The following CAMK1D variants were observed in gnomAD, a reference collection of about 807,000 sequenced individuals.
CAMK1D encodes the protein calcium/calmodulin-dependent protein kinase type 1D.
In CAMK1D, 9 loss-of-function variants were observed where a neutral mutation model predicts 47.7. That is an observed-to-expected ratio of 0.19 (90% CI 0.11 to 0.33). The LOEUF is 0.33. Among genes scored for constraint, CAMK1D ranks in the 10% least tolerant of loss-of-function variants. The pLI is 1.00. For synonymous variants in CAMK1D, 184 were observed against 184.9 expected (o/e 0.99, Z 0.04); for missense variants, 291 against 488.7 (o/e 0.60, Z 3.81).
chr10:12,460,805 A>T (rs1356094369), intron 1 of CAMK1D, among the ~76,000 whole-genome samples: 1 of 151,438 alleles, frequency 6.6e-6, no homozygotes, highest in African/African-American at 2.4e-5. Context: ...GACTTCAAGT[A>T]ATCCTCCCAC....
chr10:12,566,225 T>C (rs1353157183), intron 2 of CAMK1D, among the ~76,000 whole-genome samples: 1 of 152,186 alleles, frequency 6.6e-6, no homozygotes, highest in Non-Finnish European at 1.5e-5. Flanking sequence ...GACATCTTGC[T>C]AGACAGCGGG....
At chr10:12,764,506 G>GT (rs1324591454) in intron 4 of CAMK1D, among the ~76,000 whole-genome samples, 117 of 2,390 alleles carry the variant, frequency 0.049, 1 homozygote, top group Non-Finnish European at 0.38. Context: ...GGAGGGATGT[G>GT]CGATGCTCTG....
chr10:12,349,845 C>T lies in CAMK1D; in HGVS notation c.27C>T (p.Ser9=), dbSNP rs1347112156. 2.0e-6 allele frequency: 3 copies of T among 1,531,376 alleles called. No homozygotes were observed. The highest frequency in any genetic ancestry group is 1.9e-5 in the Admixed American group (1 of 51,738). 94.9% of individuals were successfully genotyped at this position (1,531,376 alleles called of 1,614,324 possible). A position where few individuals can be genotyped will look rare whatever the true frequency, so the allele number is the denominator to read the frequency against. ...TGGCCCGGGAGAACGGCGAGAGCAG[C>T]TCCTCCTGGAAAAAGCAAGCTGAAG... MARENGES[S]SSWKKQAEDI... Residue 9 remains serine (S), a synonymous_variant, in exon 1 of 11, where the codon AGC becomes AGT. Coordinates refer to ENST00000619168, the MANE Select transcript of CAMK1D (RefSeq NM_153498.4).
intron 3 of CAMK1D, among the ~76,000 whole-genome samples, chr10:12,676,234 G>A (rs1163093829): frequency 2.0e-5 from 3 of 152,154 alleles, no homozygotes; most frequent in African/African-American, 7.2e-5. Context: ...GATTACAGGC[G>A]TTAGCCACCA....
rs752046795 is a variant in CAMK1D at position 12,627,941 on chromosome 10, C to T, written c.225-38795C>T. Among the ~76,000 whole-genome samples, 11 of 151,994 alleles carry T rather than the reference C, an allele frequency of 7.2e-5. No homozygotes were observed. The East Asian group carries it at 7.7e-4, about 11-fold the overall frequency. On this transcript the variant is annotated intron_variant, in intron 2 of 10. Coordinates refer to ENST00000619168, the MANE Select transcript of CAMK1D (RefSeq NM_153498.4). ...AAAAATACAAAAAAATTTAGCCAGGCGTGGTGGCGCACACCTGTAATCCCG... is the reference window on the plus strand; with the variant it reads ...AAAAATACAAAAAAATTTAGCCAGGTGTGGTGGCGCACACCTGTAATCCCG...
intron 1 of CAMK1D, among the ~76,000 whole-genome samples, chr10:12,524,589 C>A (rs1282524650): frequency 6.6e-6 from 1 of 151,934 alleles, no homozygotes; most frequent in Non-Finnish European, 1.5e-5. Context: ...TACCTGTGGT[C>A]CCAGCTACTC....
intron 5 of CAMK1D, among the ~76,000 whole-genome samples, chr10:12,778,022 G>A (rs1588915328): frequency 6.6e-6 from 1 of 152,344 alleles, no homozygotes; most frequent in African/African-American, 2.4e-5. Flanking sequence ...TCCCAGCCTA[G>A]CATGGTGTCT....
chr10:12,387,513 C>CTT (rs1232568730), intron 1 of CAMK1D, among the ~76,000 whole-genome samples: 1 of 113,536 alleles, frequency 8.8e-6, no homozygotes, highest in Non-Finnish European at 1.8e-5. Flanking sequence ...ATCTCGGTTG[C>CTT]TTTTTTTTTT....
intron 2 of CAMK1D, among the ~76,000 whole-genome samples, chr10:12,647,459 T>C (rs1839843586): frequency 6.6e-6 from 1 of 152,144 alleles, no homozygotes; most frequent in Non-Finnish European, 1.5e-5. Flanking sequence ...CTCCGCCTAG[T>C]TTTTTACTTC....
chr10:12,606,164 T>TC lies in CAMK1D; in HGVS notation c.224+52810dup, dbSNP rs546906764. Among the ~76,000 whole-genome samples, 125 of 151,672 alleles carry TC rather than the reference T, an allele frequency of 8.2e-4. 2 individuals are homozygous for TC. The highest frequency in any genetic ancestry group is 5.0e-3 in the South Asian group (24 of 4,786). On this transcript the variant is annotated intron_variant, in intron 2 of 10. Coordinates refer to ENST00000619168, the MANE Select transcript of CAMK1D (RefSeq NM_153498.4). ...TGAGTTAACAACGCAGGTGCCGTCA[T>TC]CCTCCTGTGAGCCGCGGCTGCTCAG...
At chr10:12,354,573 T>C (rs1837446674) in intron 1 of CAMK1D, among the ~76,000 whole-genome samples, 1 of 68,680 alleles carries the variant, frequency 1.5e-5, no homozygotes, top group Non-Finnish European at 4.1e-5. Flanking sequence ...CACACCCGGC[T>C]AATTTTTTTG....
chr10:12,757,081 C>G (rs1255584539), intron 3 of CAMK1D, among the ~76,000 whole-genome samples: 2 of 152,174 alleles, frequency 1.3e-5, no homozygotes, highest in African/African-American at 2.4e-5. Flanking sequence ...CTTTCCAGAT[C>G]TGCATCCTAA....
At chr10:12,827,878 A>G (rs763592397) in intron 10 of CAMK1D, among the ~76,000 whole-genome samples, 40 of 152,088 alleles carry the variant, frequency 2.6e-4, no homozygotes, top group Non-Finnish European at 5.3e-4. Flanking sequence ...TTGTAGACCC[A>G]GGGTTGCCCC....
chr10:12,351,071 C>T (rs960193405), intron 1 of CAMK1D, among the ~76,000 whole-genome samples: 4 of 152,108 alleles, frequency 2.6e-5, no homozygotes, highest in African/African-American at 7.2e-5. Context: ...GTCTTCACCT[C>T]CAGGCTCGGC....
Position 12,531,397 on chromosome 10 carries a change from C to T in CAMK1D, c.93-21828C>T, listed in dbSNP as rs79000312. 6.9e-3 allele frequency among the ~76,000 whole-genome samples: 1,048 copies of T among 152,286 alleles called. 7 individuals are homozygous for T. Among genetic ancestry groups the T allele is most frequent in the African/African-American group, 0.024 (1,008 of 41,556 alleles). ...GATGAGATAATGGTTGCCAGGGGCA[C>T]GTGGAAATTACCAACGTCAGAAGGT... On this transcript the variant is annotated intron_variant, in intron 1 of 10. Coordinates refer to ENST00000619168, the MANE Select transcript of CAMK1D (RefSeq NM_153498.4).
At chr10:12,694,414 A>T (rs1456701925) in intron 3 of CAMK1D, among the ~76,000 whole-genome samples, 2 of 83,286 alleles carry the variant, frequency 2.4e-5, no homozygotes, top group African/African-American at 4.6e-5. Flanking sequence ...ATAAAATATA[A>T]AATATATATG....
At chr10:12,607,921 A>C (rs1282303679) in intron 2 of CAMK1D, among the ~76,000 whole-genome samples, 1 of 152,126 alleles carries the variant, frequency 6.6e-6, no homozygotes, top group Non-Finnish European at 1.5e-5. Flanking sequence ...TGATCACATT[A>C]CTGCGCTCCA....
At chr10:12,445,227 A>G (rs992205361) in intron 1 of CAMK1D, among the ~76,000 whole-genome samples, 1 of 152,152 alleles carries the variant, frequency 6.6e-6, no homozygotes, top group African/African-American at 2.4e-5. Context: ...CTCCCTTCCC[A>G]TCATGCCCTG....
intron 3 of CAMK1D, among the ~76,000 whole-genome samples, chr10:12,745,943 A>G (rs907988379): frequency 6.6e-6 from 1 of 152,184 alleles, no homozygotes; most frequent in African/African-American, 2.4e-5. Flanking sequence ...ACCACAACTC[A>G]AGAACAGTCA....
Sources: gnomAD v4.1 joint callset for allele counts (sites outside exome capture counted in the v4.1 genomes callset) on GRCh38, gnomAD v4.1.1 for gene constraint, MANE v1.5 for transcripts, NCBI Gene and HGNC (gene_info 2026-07-23, HGNC 2026-07-21) for gene names.